Variants in SPC24 observed in about 807,000 individuals in gnomAD.
SPC24 encodes the protein SPC24 component of NDC80 kinetochore complex.
In SPC24, 31 loss-of-function variants were observed where a neutral mutation model predicts 27.6. The ratio of observed to expected loss-of-function variants is 1.12; its 90% CI spans 0.84 to 1.52. SPC24 has a LOEUF of 1.52. SPC24 is among the 40% of genes most tolerant of loss of function. The pLI is 0.00. For missense variants in SPC24, 284 were observed against 252.5 expected (o/e 1.12, Z -0.84); for synonymous variants, 105 against 105.8 (o/e 0.99, Z 0.05).
chr19:11,147,344 CG>C, intron 4 of SPC24, 55 bp from the exon 5 acceptor site: 2 of 1,240,594 alleles, frequency 1.6e-6, no homozygotes. Flanking sequence ...CACAACCCCA[CG>C]GGGAAAAGGA....
rs58845884 is a variant in SPC24, at chr19:11,147,908, C to CAAAAAAAAAAAAAA, written c.411-28_411-15dup. 1.7e-5 allele frequency: 19 copies of CAAAAAAAAAAAAAA among 1,115,818 alleles called. No individual in the cohort carries two copies. Among genetic ancestry groups the CAAAAAAAAAAAAAA allele is most frequent in the Admixed American group, 6.3e-5 (2 of 31,604 alleles). The allele number at this position is 1,115,818 out of a possible 1,614,324, so 69.1% of individuals were successfully genotyped here. A position where few individuals can be genotyped will look rare whatever the true frequency, so the allele number is the denominator to read the frequency against. ...TGAGCCACGTACCTGTACAGGAAGA[C>CAAAAAAAAAAAAAA]AAAAAAAAAAAAAAAAAAAAAAGAA... On this transcript the variant is annotated splice_polypyrimidine_tract_variant and intron_variant, in intron 3 of 4. Transcript: ENST00000592540.
chr19:11,151,907 C>CT (rs34224957), intron 1 of SPC24, among the ~76,000 whole-genome samples: 35,400 of 143,240 alleles, frequency 0.25, 5,163 homozygotes, highest in Admixed American at 0.37. Flanking sequence ...CGCACCAGGC[C>CT]TTTTTTTTTT....
chr19:11,153,929 C>T (rs1447893468), intron 1 of SPC24, among the ~76,000 whole-genome samples: 1 of 151,646 alleles, frequency 6.6e-6, no homozygotes, highest in Middle Eastern at 3.2e-3. Context: ...AAAATATTAG[C>T]CGGGCGTGGT....
intron 1 of SPC24, 38 bp from the exon 2 acceptor site, chr19:11,149,276 C>G (rs775464684): frequency 6.9e-7 from 1 of 1,448,648 alleles, no homozygotes; most frequent in South Asian, 1.4e-5. Context: ...TAGGGTCTGT[C>G]CTTCCCCAAG....
chr19:11,154,525 C>T (rs147791943), intron 1 of SPC24, among the ~76,000 whole-genome samples: 6 of 152,174 alleles, frequency 3.9e-5, no homozygotes, highest in Middle Eastern at 3.4e-3. Context: ...GGTAATGGAG[C>T]GAGGCTCTGT....
chr19:11,148,550 T>TGCTCTACAC (rs1439682056), intron 2 of SPC24, among the ~76,000 whole-genome samples: 3 of 151,124 alleles, frequency 2.0e-5, no homozygotes, highest in Non-Finnish European at 4.4e-5. Context: ...TTTCACCTAT[T>TGCTCTACAC]CTGGAGTGTA....
chr19:11,146,995 G>A lies in SPC24; in HGVS notation c.*188C>T, dbSNP rs530742439. On this transcript the variant is annotated 3_prime_UTR_variant, in exon 5 of 5. Coordinates refer to ENST00000592540, the MANE Select transcript of SPC24 (RefSeq NM_182513.4). ...CTTTGGAGGCTGAGGCAGGAGAATC[G>A]CTTGAACCCAGGAGGCAGAGGTTGC... The A allele has an allele frequency of 8.3e-5, 31 of 375,120 alleles. No homozygotes were observed. The highest frequency in any genetic ancestry group is 7.5e-4 in the Middle Eastern group (1 of 1,326). 23.2% of individuals were successfully genotyped at this position (375,120 alleles called of 1,614,324 possible). A position where few individuals can be genotyped will look rare whatever the true frequency, so the allele number is the denominator to read the frequency against.
chr19:11,152,547 A>G (rs1255399061), intron 1 of SPC24, among the ~76,000 whole-genome samples: 2 of 152,254 alleles, frequency 1.3e-5, no homozygotes, highest in East Asian at 3.9e-4. Flanking sequence ...CACATCTGTG[A>G]CATGAAAAAC....
chr19:11,155,010 C>A (rs10423196), intron 1 of SPC24, among the ~76,000 whole-genome samples: 117,776 of 151,962 alleles, frequency 0.78, 45,882 homozygotes, highest in African/African-American at 0.83. Flanking sequence ...ACGTGGTGAC[C>A]CCCCGTCTCT....
rs1222635545 is a variant in SPC24, at chr19:11,149,235, A to G, written c.164T>C (p.Ile55Thr). Reference protein sequence around the residue: ...QDGAEKQLREILTMEKEVAQS... With the variant: ...QDGAEKQLRETLTMEKEVAQS... ...GGCCACTTCCTTCTCCATGGTGAGG[A>G]TCTCTGCAGGGTGGAGAGAAGCAGG... Residue 55 changes from isoleucine to threonine, a missense_variant, in exon 2 of 5, where the codon ATC becomes ACC. Coordinates refer to ENST00000592540, the MANE Select transcript of SPC24 (RefSeq NM_182513.4). The G allele has an allele frequency of 6.5e-7, 1 of 1,543,260 alleles. No homozygotes were observed. Among genetic ancestry groups the G allele is most frequent in the Non-Finnish European group, 8.7e-7 (1 of 1,143,176 alleles).
chr19:11,149,292 C>G, intron 1 of SPC24, 54 bp from the exon 2 acceptor site: 1 of 1,399,936 alleles, frequency 7.1e-7, no homozygotes, highest in Non-Finnish European at 9.4e-7. Flanking sequence ...CCAAGGAGAG[C>G]AGAGAGAAGG....
rs141618758 is a variant in SPC24 at position 11,146,823 on chromosome 19, T to C, written c.*360A>G. On this transcript the variant is annotated 3_prime_UTR_variant, in exon 5 of 5. Transcript: ENST00000592540. ...TGGGCACGATGGCTCACGCCTGGAA[T>C]CCTAGCACTTTGGGAGGCCAAGGCG... 0.014 allele frequency: 2,134 copies of C among 155,114 alleles called. 20 individuals are homozygous for C. Among genetic ancestry groups the C allele is most frequent in the Middle Eastern group, 0.056 (17 of 304 alleles). 9.6% of individuals were successfully genotyped at this position (155,114 alleles called of 1,614,324 possible). A position where few individuals can be genotyped will look rare whatever the true frequency, so the allele number is the denominator to read the frequency against.
intron 1 of SPC24, 95 bp from the exon 2 acceptor site, chr19:11,149,333 A>G (rs1221234412): frequency 8.3e-7 from 1 of 1,201,846 alleles, no homozygotes; most frequent in Non-Finnish European, 1.1e-6. Flanking sequence ...GGCAAGAAAC[A>G]TGCCCCTTGT....
In SPC24 at chr19:11,147,096, A is replaced by AAAGATCT; in HGVS notation, c.*86_*87insAGATCTT. 1 of 768,438 alleles carries AAAGATCT rather than the reference A, an allele frequency of 1.3e-6. No homozygotes were observed. Among genetic ancestry groups the AAAGATCT allele is most frequent in the Admixed American group, 3.1e-5 (1 of 32,040 alleles). The allele number at this position is 768,438 out of a possible 1,614,324, so 47.6% of individuals were successfully genotyped here. ...ACTCTGTCTCAAAAAAAAAAAAAAA[A>AAAGATCT]AGATCTATGTCCCCACATTTCATTT... is the stretch of plus-strand genomic sequence containing the variant. On this transcript the variant is annotated 3_prime_UTR_variant, in exon 5 of 5. Transcript: ENST00000592540.
intron 2 of SPC24, among the ~76,000 whole-genome samples, chr19:11,148,652 T>C (rs1475068101): frequency 1.3e-5 from 2 of 151,296 alleles, no homozygotes; most frequent in African/African-American, 2.4e-5. Flanking sequence ...AGCTTATTGA[T>C]TGATTGATTG....
rs1418409639 is a variant in SPC24 at position 11,146,748 on chromosome 19, A to G, written c.*435T>C. Reference sequence around the variant, plus strand: ...GCACCACTGCACTCCAGCCTGGGCGACAGAGTGAGACTCCGTCTCAAAAAA... The same window carrying G: ...GCACCACTGCACTCCAGCCTGGGCGGCAGAGTGAGACTCCGTCTCAAAAAA... On this transcript the variant is annotated 3_prime_UTR_variant, in exon 5 of 5. Transcript: ENST00000592540. 6.8e-6 allele frequency: 1 copy of G among 148,022 alleles called. No homozygotes were observed. The highest frequency in any genetic ancestry group is 1.5e-5 in the Non-Finnish European group (1 of 67,876). 9.2% of individuals were successfully genotyped at this position (148,022 alleles called of 1,614,324 possible).
At chr19:11,147,575 T>C (rs568230181) in intron 4 of SPC24, 4 of 572,526 alleles carry the variant, frequency 7.0e-6, no homozygotes, top group South Asian at 2.1e-5. Flanking sequence ...ATTACAGGCG[T>C]GAGGTACCAC....
chr19:11,151,316 A>G (rs1253467537), intron 1 of SPC24, among the ~76,000 whole-genome samples: 1 of 152,144 alleles, frequency 6.6e-6, no homozygotes, highest in Non-Finnish European at 1.5e-5. Context: ...GTCCCTCTGA[A>G]GCAGCCACTT....
At chr19:11,151,628 G>T (rs1242002723) in intron 1 of SPC24, among the ~76,000 whole-genome samples, 4 of 151,844 alleles carry the variant, frequency 2.6e-5, no homozygotes, top group Non-Finnish European at 5.9e-5. Flanking sequence ...TTGGGGGGGG[G>T]GGATGGAGTC....
Sources: allele counts gnomAD v4.1 joint callset (sites outside exome capture counted in the v4.1 genomes callset), GRCh38; gene constraint gnomAD v4.1.1; transcripts MANE v1.5; gene names NCBI Gene and HGNC (gene_info 2026-07-23, HGNC 2026-07-21).